The following DNAAF11 variants were observed in gnomAD, a reference collection of about 807,000 sequenced individuals.
DNAAF11 encodes the protein leucine rich repeat containing 6.
DNAAF11 carries 45 observed loss-of-function variants against 60.8 expected under a neutral mutation model. The observed-to-expected ratio is 0.74, with a 90% CI of 0.58 to 0.95. The LOEUF is 0.95. Ranked by LOEUF, DNAAF11 falls within the 40% of genes least tolerant of loss-of-function variation. The pLI, the probability that DNAAF11 is intolerant of heterozygous loss-of-function variation, is 0.00. For synonymous variants in DNAAF11, 191 were observed against 183.5 expected (o/e 1.04, Z -0.33); for missense variants, 546 against 546.2 (o/e 1.00, Z 0.00).
intron 1 of DNAAF11, 103 bp downstream of exon 1, chr8:132,675,381 G>T: frequency 7.5e-7 from 1 of 1,334,440 alleles, no homozygotes; most frequent in Non-Finnish European, 1.0e-6. Context: ...AGGCGCGGGG[G>T]AACCGACAGC....
chr8:132,619,007 A>C (rs1356314269), intron 7 of DNAAF11, among the ~76,000 whole-genome samples: 1 of 152,126 alleles, frequency 6.6e-6, no homozygotes, highest in South Asian at 2.1e-4. Flanking sequence ...ACGTATGTTT[A>C]TTGCGGCACT....
chr8:132,616,681 T>G (rs1012191968), intron 7 of DNAAF11, among the ~76,000 whole-genome samples: 2 of 152,140 alleles, frequency 1.3e-5, no homozygotes, highest in African/African-American at 4.8e-5. Flanking sequence ...GCAATGACTC[T>G]CTTATATCCA....
the DNAAF11 span, among the ~76,000 whole-genome samples, chr8:132,698,937 C>CATATAT: frequency 2.8e-4 from 40 of 142,954 alleles, no homozygotes; most frequent in Admixed American, 2.7e-3. Flanking sequence ...TATATGTATA[C>CATATAT]ATATATATAT....
chr8:132,602,012 T>C (rs4520144), intron 10 of DNAAF11, among the ~76,000 whole-genome samples: 90,571 of 151,844 alleles, frequency 0.6, 29,613 homozygotes, highest in African/African-American at 0.89. Context: ...CTCTATTCTA[T>C]GTGTTCTTAC....
Position 132,661,613 on chromosome 8 carries a change from T to C in DNAAF11, c.25A>G (p.Ile9Val), listed in dbSNP as rs200022511. Reference sequence around the variant, plus strand: ...TCGTTGTGTTCAGCATTCCGTCTAATAAGATCTTCTGTGACTGGAAGAAAA... The same window carrying C: ...TCGTTGTGTTCAGCATTCCGTCTAACAAGATCTTCTGTGACTGGAAGAAAA... MGWITEDL[I>V]RRNAEHNDCV... Residue 9 changes from isoleucine (I) to valine (V), a missense_variant, in exon 2 of 12, where the codon ATT becomes GTT. Physicochemically the swap from Ile to Val is conservative, Grantham distance 29. Transcript: ENST00000620350. The C allele has an allele frequency of 5.0e-6, 8 of 1,614,060 alleles. No individual in the cohort carries two copies. Among genetic ancestry groups the C allele is most frequent in the Middle Eastern group, 1.6e-4 (1 of 6,062 alleles).
intron 11 of DNAAF11, among the ~76,000 whole-genome samples, chr8:132,582,497 C>T (rs115737613): frequency 4.9e-4 from 75 of 152,264 alleles, no homozygotes; most frequent in African/African-American, 1.8e-3. Flanking sequence ...GTTGATGCTG[C>T]TGGGGGTTAA....
At chr8:132,600,914 T>C (rs1259449028) in intron 10 of DNAAF11, among the ~76,000 whole-genome samples, 2 of 152,144 alleles carry the variant, frequency 1.3e-5, no homozygotes, top group Admixed American at 6.6e-5. Flanking sequence ...AAAGCCAAAA[T>C]TGACAAATGG....
chr8:132,679,626 A>G (rs1034194551), upstream of DNAAF11, among the ~76,000 whole-genome samples: 5 of 152,196 alleles, frequency 3.3e-5, no homozygotes, highest in African/African-American at 1.2e-4. Context: ...TGTAATGCCC[A>G]TAATTCCCAC....
Position 132,637,952 on chromosome 8 carries a change from T to C in DNAAF11, c.412A>G (p.Thr138Ala), listed in dbSNP as rs763024256. The change falls in exon 4 of 12, where the codon ACT (threonine) becomes GCT (alanine). Residue 138 changes from threonine to alanine, a missense_variant. Coordinates refer to ENST00000620350, the MANE Select transcript of DNAAF11 (RefSeq NM_012472.6). ...FDHYREFVVATLPQLKWLDGK... is the reference protein window; with the variant it reads ...FDHYREFVVAALPQLKWLDGK... ...AACCATACCTTTAATTGTGGAAGAG[T>C]TGCTACCACGAACTCCCTATAGTGG... The C allele has an allele frequency of 8.7e-6, 14 of 1,607,710 alleles. No homozygotes were observed. The highest frequency in any genetic ancestry group is 1.1e-5 in the Non-Finnish European group (13 of 1,177,358).
At chr8:132,700,246 G>A in the DNAAF11 span, among the ~76,000 whole-genome samples, 1 of 152,152 alleles carries the variant, frequency 6.6e-6, no homozygotes. Flanking sequence ...AGGCAGTGAG[G>A]TTCCTCAGAG....
At chr8:132,689,971 C>T in the DNAAF11 span, among the ~76,000 whole-genome samples, 4 of 152,172 alleles carry the variant, frequency 2.6e-5, no homozygotes, top group Non-Finnish European at 4.4e-5. Context: ...CTGCTTCAGC[C>T]TCCCAAAGGG....
intron 8 of DNAAF11, among the ~76,000 whole-genome samples, chr8:132,612,795 T>C (rs1818797724): frequency 6.6e-6 from 1 of 152,136 alleles, no homozygotes; most frequent in East Asian, 1.9e-4. Context: ...TATGTGCCCA[T>C]AAAGATAACC....
At chr8:132,692,796 CT>C in the DNAAF11 span, among the ~76,000 whole-genome samples, 1 of 152,200 alleles carries the variant, frequency 6.6e-6, no homozygotes, top group Non-Finnish European at 1.5e-5. Flanking sequence ...TCATTCCTGA[CT>C]TTCCTTTCCT....
chr8:132,625,398 G>A lies in DNAAF11; in HGVS notation c.710C>T (p.Thr237Ile). The change falls in exon 6 of 12, where the codon ACA becomes ATA. Residue 237 changes from threonine (T) to isoleucine (I), a missense_variant. Physicochemically the swap from Thr to Ile is moderately conservative, Grantham distance 89 (BLOSUM62 -1). Transcript: ENST00000620350. ...LQAPDTEEHN[T>I]KKLDNSEDDL... ...ATCTTCACTGTTGTCTAATTTCTTT[G>A]TGTTGTGTTCCTCTGTGTCTGGTGC... The A allele has an allele frequency of 6.2e-7, 1 of 1,613,500 alleles. No individual in the cohort carries two copies. Among genetic ancestry groups the A allele is most frequent in the Non-Finnish European group, 8.5e-7 (1 of 1,179,660 alleles).
chr8:132,581,757 G>GC (rs71574306), intron 11 of DNAAF11, among the ~76,000 whole-genome samples: 24,014 of 151,810 alleles, frequency 0.16, 2,949 homozygotes, highest in African/African-American at 0.34. Context: ...GACATCTTGG[G>GC]AAATGCCATC....
Position 132,632,773 on chromosome 8 carries a change from T to A in DNAAF11, c.620A>T (p.Asp207Val). 2 of 1,613,780 alleles carry A rather than the reference T, an allele frequency of 1.2e-6. No homozygotes were observed. Among genetic ancestry groups the A allele is most frequent in the Non-Finnish European group, 1.7e-6 (2 of 1,179,652 alleles). ...NEDKRSNAGF[D>V]GRWYTDINAT... ...ATTGATGTCTGTGTACCAACGTCCA[T>A]CAAAGCCTGCGTTACTTCTCTTGTC... Residue 207 changes from aspartate (D) to valine (V), a missense_variant, in exon 5 of 12, where the codon GAT becomes GTT. By Grantham distance (152) the Asp-to-Val change is radical. Coordinates refer to ENST00000620350, the MANE Select transcript of DNAAF11 (RefSeq NM_012472.6).
At chr8:132,612,534 C>G (rs148071417) in intron 8 of DNAAF11, among the ~76,000 whole-genome samples, 1 of 152,108 alleles carries the variant, frequency 6.6e-6, no homozygotes, top group Non-Finnish European at 1.5e-5. Flanking sequence ...GACTACTCCC[C>G]GCACAGCATT....
chr8:132,689,335 T>A, the DNAAF11 span, among the ~76,000 whole-genome samples: 1 of 152,332 alleles, frequency 6.6e-6, no homozygotes, highest in South Asian at 2.1e-4. Flanking sequence ...TGGGGGGAAC[T>A]AGAGTTTTGG....
At chr8:132,665,037 C>A (rs1447072133) in intron 1 of DNAAF11, among the ~76,000 whole-genome samples, 1 of 151,982 alleles carries the variant, frequency 6.6e-6, no homozygotes, top group East Asian at 1.9e-4. Context: ...TGATTATATA[C>A]AATTAGGATA....
Sources: gnomAD v4.1 joint callset for allele counts (sites outside exome capture counted in the v4.1 genomes callset) on GRCh38, gnomAD v4.1.1 for gene constraint, MANE v1.5 for transcripts, NCBI Gene and HGNC (gene_info 2026-07-23, HGNC 2026-07-21) for gene names.